RAD51B: variants seen among roughly 807,000 people sequenced by gnomAD.
RAD51B encodes DNA repair protein RAD51 homolog 2.
RAD51B carries 38 observed loss-of-function variants against 42.2 expected under a neutral mutation model. The observed-to-expected ratio is 0.90, with a 90% CI of 0.70 to 1.18. The LOEUF (loss-of-function observed/expected upper bound fraction) is 1.18, where lower values mean the gene tolerates loss of function less well. Among genes scored for constraint, RAD51B ranks in the 50% most tolerant of loss-of-function variants. RAD51B has a pLI of 0.00. For synonymous variants in RAD51B, 154 were observed against 145.2 expected (o/e 1.06, Z -0.43); for missense variants, 373 against 400.7 (o/e 0.93, Z 0.59).
intron 10 of RAD51B, among the ~76,000 whole-genome samples, chr14:68,635,800 G>A (rs1310306219): frequency 6.6e-6 from 1 of 152,174 alleles, no homozygotes; most frequent in African/African-American, 2.4e-5. Context: ...CCTAGGGCAA[G>A]GACAAACTCT....
At chr14:68,549,823 C>G (rs1011353762) in intron 10 of RAD51B, among the ~76,000 whole-genome samples, 2 of 152,246 alleles carry the variant, frequency 1.3e-5, no homozygotes, top group African/African-American at 4.8e-5. Flanking sequence ...CTGCCACTCT[C>G]TGCTGACTGA....
At chr14:68,325,588 A>T (rs1172866385) in intron 8 of RAD51B, among the ~76,000 whole-genome samples, 36 of 143,062 alleles carry the variant, frequency 2.5e-4, no homozygotes, top group African/African-American at 5.2e-4. Flanking sequence ...TTTTTTTTTT[A>T]AAAAGAGTTG....
intron 7 of RAD51B, among the ~76,000 whole-genome samples, chr14:67,895,292 C>T (rs2043375837): frequency 6.6e-6 from 1 of 152,180 alleles, no homozygotes; most frequent in Non-Finnish European, 1.5e-5. Flanking sequence ...AAGGTTGTAG[C>T]TGAGTGGCAA....
chr14:68,449,649 C>A (rs1382618029), intron 9 of RAD51B, among the ~76,000 whole-genome samples: 1 of 152,156 alleles, frequency 6.6e-6, no homozygotes, highest in Non-Finnish European at 1.5e-5. Flanking sequence ...TGCAGCTGTG[C>A]CTGAGGAGGA....
intron 10 of RAD51B, among the ~76,000 whole-genome samples, chr14:68,621,355 C>T (rs928979605): frequency 2.6e-5 from 4 of 152,224 alleles, no homozygotes; most frequent in Non-Finnish European, 4.4e-5. Flanking sequence ...TTCTCCACAG[C>T]CACCTTTCTT....
chr14:68,354,138 G>A (rs963093826), intron 8 of RAD51B, among the ~76,000 whole-genome samples: 1 of 151,898 alleles, frequency 6.6e-6, no homozygotes, highest in African/African-American at 2.4e-5. Flanking sequence ...ACTGTTCTTT[G>A]TGGTGCTATA....
intron 7 of RAD51B, among the ~76,000 whole-genome samples, chr14:68,099,308 G>A (rs769689784): frequency 6.6e-6 from 1 of 152,218 alleles, no homozygotes; most frequent in Non-Finnish European, 1.5e-5. Context: ...AGGTGTTCAT[G>A]TCTTTGACGT....
chr14:68,190,456 A>T (rs2079242812), intron 7 of RAD51B, among the ~76,000 whole-genome samples: 1 of 152,216 alleles, frequency 6.6e-6, no homozygotes, highest in South Asian at 2.1e-4. Context: ...AACAGATTTA[A>T]AAAACATGTC....
intron 7 of RAD51B, among the ~76,000 whole-genome samples, chr14:68,048,920 G>A (rs1202816477): frequency 1.3e-5 from 2 of 152,154 alleles, no homozygotes; most frequent in East Asian, 1.9e-4. Flanking sequence ...TATGTTTATT[G>A]CGGTACTATT....
intron 10 of RAD51B, chr14:68,562,397 G>A (rs919040366): frequency 1.0e-6 from 1 of 984,540 alleles, no homozygotes; most frequent in African/African-American, 1.7e-5. Context: ...AAAGGAAATG[G>A]ACTTATGCAG....
chr14:68,067,689 A>C (rs1043154873), intron 7 of RAD51B, among the ~76,000 whole-genome samples: 6 of 151,794 alleles, frequency 4.0e-5, no homozygotes, highest in African/African-American at 1.5e-4. Flanking sequence ...TTAAAGTGAC[A>C]TATTTGGGTG....
chr14:68,562,488 C>A (rs1889205647), intron 10 of RAD51B: 1 of 985,126 alleles, frequency 1.0e-6, no homozygotes, highest in Non-Finnish European at 1.2e-6. Context: ...CCTCTGAGCG[C>A]TCTCTGCCTC....
intron 10 of RAD51B, among the ~76,000 whole-genome samples, chr14:68,554,561 C>T (rs1054822631): frequency 2.0e-5 from 3 of 152,160 alleles, no homozygotes; most frequent in Non-Finnish European, 4.4e-5. Context: ...GCTCCTCTAC[C>T]TTAATGGCAA....
intron 7 of RAD51B, among the ~76,000 whole-genome samples, chr14:68,205,416 A>G (rs867564674): frequency 3.9e-5 from 6 of 152,270 alleles, no homozygotes; most frequent in African/African-American, 1.2e-4. Context: ...TGAAACATGA[A>G]GGATGAATGG....
At chr14:68,300,971 G>A (rs1023666138) in intron 8 of RAD51B, among the ~76,000 whole-genome samples, 24 of 152,218 alleles carry the variant, frequency 1.6e-4, no homozygotes, top group African/African-American at 4.8e-4. Flanking sequence ...CATGATTTAC[G>A]GTATACAAGA....
chr14:68,520,594 T>G (rs1309101112), intron 10 of RAD51B, among the ~76,000 whole-genome samples: 1 of 152,204 alleles, frequency 6.6e-6, no homozygotes, highest in Non-Finnish European at 1.5e-5. Flanking sequence ...AAACAAGATA[T>G]GAGCTCATAT....
At chr14:68,032,224 G>T (rs2076058168) in intron 7 of RAD51B, among the ~76,000 whole-genome samples, 1 of 152,046 alleles carries the variant, frequency 6.6e-6, no homozygotes, top group South Asian at 2.1e-4. Flanking sequence ...CAAAATAAAG[G>T]TCCTTGCATT....
At chr14:68,625,083 T>C (rs1371217308) in intron 10 of RAD51B, among the ~76,000 whole-genome samples, 1 of 152,150 alleles carries the variant, frequency 6.6e-6, no homozygotes, top group Non-Finnish European at 1.5e-5. Context: ...AGCCAATAAG[T>C]GGTGGAGCTG....
chr14:68,657,708 T>A (rs1595050503), intron 11 of RAD51B, among the ~76,000 whole-genome samples: 1 of 152,238 alleles, frequency 6.6e-6, no homozygotes, highest in African/African-American at 2.4e-5. Flanking sequence ...CAGGAAAAGG[T>A]TGTTTCTCCT....
Sources: gnomAD v4.1 joint callset for allele counts (sites outside exome capture counted in the v4.1 genomes callset) on GRCh38, gnomAD v4.1.1 for gene constraint, MANE v1.5 for transcripts, NCBI Gene and HGNC (gene_info 2026-07-23, HGNC 2026-07-21) for gene names.